LIPI: variants seen among roughly 807,000 people sequenced by gnomAD.
LIPI encodes lipase member I.
Under a neutral mutation model 50.6 loss-of-function variants are expected in LIPI, and 59 were observed. The observed-to-expected ratio is 1.16, with a 90% CI of 0.94 to 1.45. The LOEUF is 1.45. Among genes scored for constraint, LIPI ranks in the 40% most tolerant of loss-of-function variants. The pLI is 0.00. For synonymous variants in LIPI, 203 were observed against 178.2 expected (o/e 1.14, Z -1.11); for missense variants, 586 against 536.3 (o/e 1.09, Z -0.92).
chr21:14,120,853 G>A (rs1348889998), intron 9 of LIPI, among the ~76,000 whole-genome samples: 5 of 152,160 alleles, frequency 3.3e-5, no homozygotes, highest in East Asian at 1.9e-4. Context: ...AGAAATTCTC[G>A]TAGGGCAATA....
chr21:14,159,846 T>C (rs2018401940), intron 7 of LIPI, among the ~76,000 whole-genome samples: 1 of 151,272 alleles, frequency 6.6e-6, no homozygotes, highest in South Asian at 2.1e-4. Flanking sequence ...ATACCAACAT[T>C]GAATGTGGAG....
chr21:14,163,461 T>A lies in LIPI; in HGVS notation c.964A>T (p.Thr322Ser). 2.5e-6 allele frequency: 4 copies of A among 1,583,354 alleles called. No homozygotes were observed. The highest frequency in any genetic ancestry group is 3.5e-6 in the Non-Finnish European group (4 of 1,152,322). The change falls in exon 7 of 10, where the codon ACC becomes TCC. Residue 322 changes from threonine to serine, a missense_variant. By Grantham distance (58) the Thr-to-Ser change is moderately conservative (BLOSUM62 1). Transcript: ENST00000681601. ...CCACTTGTATCCAAAAACACAGTGG[T>A]CCTAAGAGGTCTTCCTTCCATCCTT... is the stretch of plus-strand genomic sequence containing the variant. ...KERMEGRPLRTTVFLDTSGTY... is the reference protein window; with the variant it reads ...KERMEGRPLRSTVFLDTSGTY...
chr21:14,200,609 T>C (rs2020019870), intron 1 of LIPI, among the ~76,000 whole-genome samples: 2 of 151,822 alleles, frequency 1.3e-5, no homozygotes, highest in South Asian at 4.1e-4. Flanking sequence ...AAATCAGAGA[T>C]GGCACACAAA....
At chr21:14,159,655 T>TA (rs569654767) in intron 7 of LIPI, among the ~76,000 whole-genome samples, 1 of 151,308 alleles carries the variant, frequency 6.6e-6, no homozygotes, top group Non-Finnish European at 1.5e-5. Flanking sequence ...CAAGTAGATT[T>TA]AAAAAAATTA....
At chr21:14,130,332 T>C (rs1418590930) in intron 9 of LIPI, among the ~76,000 whole-genome samples, 2 of 152,084 alleles carry the variant, frequency 1.3e-5, no homozygotes, top group Non-Finnish European at 2.9e-5. Context: ...AGTGCAAGAC[T>C]CTGTCTAAGA....
chr21:14,108,934 T>C lies in LIPI; in HGVS notation c.*59A>G, dbSNP rs1302237639. The C allele has an allele frequency of 1.2e-6, 2 of 1,600,046 alleles. No individual in the cohort carries two copies. Among genetic ancestry groups the C allele is most frequent in the South Asian group, 1.1e-5 (1 of 90,746 alleles). On this transcript the variant is annotated 3_prime_UTR_variant, in exon 10 of 10. Coordinates refer to ENST00000681601, the MANE Select transcript of LIPI (RefSeq NM_001302998.2). ...AGTGCATTATAAAAGACTGATTGCA[T>C]TGTTTCATTTACAAGTCCATTAATT...
rs532006095 is a variant in LIPI at position 14,137,741 on chromosome 21, T to C, written c.1295+6882A>G. Among the ~76,000 whole-genome samples the C allele has an allele frequency of 2.0e-5, 3 of 152,126 alleles. No individual in the cohort carries two copies. The South Asian group carries it at 6.2e-4, about 32-fold the overall frequency. On this transcript the variant is annotated intron_variant, in intron 9 of 9. Coordinates refer to ENST00000681601, the MANE Select transcript of LIPI (RefSeq NM_001302998.2). ...TAATACCCAAACCTAGAGAAAGATA[T>C]CAATATCCAAGTATAAGAAAGTTAT... is the stretch of plus-strand genomic sequence containing the variant.
intron 7 of LIPI, among the ~76,000 whole-genome samples, chr21:14,154,758 T>C (rs776468067): frequency 7.2e-5 from 11 of 152,068 alleles, no homozygotes; most frequent in Non-Finnish European, 1.6e-4. Context: ...TGAGAAAATA[T>C]GATGTCCCAA....
chr21:14,197,026 TACAC>T (rs140607205), intron 1 of LIPI, among the ~76,000 whole-genome samples: 16 of 147,186 alleles, frequency 1.1e-4, no homozygotes, highest in African/African-American at 2.0e-4. Context: ...ATAGGACAAA[TACAC>T]ACACACACAC....
At chr21:14,169,954 G>C (rs1250607051) in intron 4 of LIPI, among the ~76,000 whole-genome samples, 1 of 151,986 alleles carries the variant, frequency 6.6e-6, no homozygotes, top group Admixed American at 6.6e-5. Flanking sequence ...CAACAAAATT[G>C]ATAGACCGCT....
At chr21:14,134,114 C>T (rs2017401441) in intron 9 of LIPI, among the ~76,000 whole-genome samples, 1 of 151,830 alleles carries the variant, frequency 6.6e-6, no homozygotes. Context: ...GCCTGTGGTC[C>T]CAGCTACTTG....
At chr21:14,208,260 C>T (rs1489535309) in intron 1 of LIPI, among the ~76,000 whole-genome samples, 5 of 152,248 alleles carry the variant, frequency 3.3e-5, no homozygotes, top group Admixed American at 1.3e-4. Context: ...TCTGCGTACC[C>T]GTAGGCATCA....
At chr21:14,159,980 GAATC>G (rs771557522) in intron 7 of LIPI, among the ~76,000 whole-genome samples, 3 of 151,276 alleles carry the variant, frequency 2.0e-5, no homozygotes, top group African/African-American at 2.4e-5. Flanking sequence ...AGAAATCAAA[GAATC>G]AAAGTATATG....
chr21:14,183,182 C>T (rs1371583582), intron 3 of LIPI, among the ~76,000 whole-genome samples: 1 of 152,082 alleles, frequency 6.6e-6, no homozygotes, highest in Non-Finnish European at 1.5e-5. Context: ...ATATCTACAA[C>T]TATCTGATCT....
At chr21:14,137,927 T>C (rs2017564153) in intron 9 of LIPI, among the ~76,000 whole-genome samples, 1 of 152,108 alleles carries the variant, frequency 6.6e-6, no homozygotes, top group Non-Finnish European at 1.5e-5. Flanking sequence ...GTGGAAACCA[T>C]GTAGGCCAGG....
chr21:14,140,289 A>T (rs1166957891), intron 9 of LIPI, among the ~76,000 whole-genome samples: 1 of 152,182 alleles, frequency 6.6e-6, no homozygotes, highest in Non-Finnish European at 1.5e-5. Context: ...GAGTGAGAAG[A>T]AAAAGACTAG....
chr21:14,163,085 T>G (rs990944057), intron 7 of LIPI, among the ~76,000 whole-genome samples: 1 of 67,326 alleles, frequency 1.5e-5, no homozygotes, highest in African/African-American at 5.7e-5. Context: ...TAATGGGTGT[T>G]CAGACTGTAT....
chr21:14,179,009 G>T lies in LIPI; in HGVS notation c.643+2749C>A, dbSNP rs895117206. Among the ~76,000 whole-genome samples the T allele has an allele frequency of 2.6e-5, 4 of 152,190 alleles. No homozygotes were observed. In the East Asian group the frequency reaches 7.7e-4, roughly 29 times the overall value. On this transcript the variant is annotated intron_variant, in intron 4 of 9. Transcript: ENST00000681601. Reference sequence around the variant, plus strand: ...GACCATAAGAAGGCTGATTTGTTCAGCTTTACCCATGCTTCTATAATGTCC... The same window carrying T: ...GACCATAAGAAGGCTGATTTGTTCATCTTTACCCATGCTTCTATAATGTCC...
At chr21:14,196,933 A>G (rs937577873) in intron 1 of LIPI, among the ~76,000 whole-genome samples, 29 of 152,272 alleles carry the variant, frequency 1.9e-4, no homozygotes, top group African/African-American at 5.8e-4. Flanking sequence ...GTAAAGGTCC[A>G]ATACTTTTTA....
Sources: gnomAD v4.1 joint callset for allele counts (sites outside exome capture counted in the v4.1 genomes callset) on GRCh38, gnomAD v4.1.1 for gene constraint, MANE v1.5 for transcripts, NCBI Gene and HGNC (gene_info 2026-07-23, HGNC 2026-07-21) for gene names.